CHEK1: variants seen among roughly 807,000 people sequenced by gnomAD.
The protein encoded by CHEK1 is checkpoint kinase 1.
A neutral mutation model predicts 60.2 loss-of-function variants in CHEK1; 32 were observed. The ratio of observed to expected loss-of-function variants is 0.53; its 90% CI spans 0.40 to 0.71. CHEK1 has a LOEUF of 0.71. Ranked by LOEUF, CHEK1 falls within the 30% of genes least tolerant of loss-of-function variation. The pLI is 0.00. For synonymous variants in CHEK1, 179 were observed against 187.2 expected (o/e 0.96, Z 0.36); for missense variants, 399 against 564.6 (o/e 0.71, Z 2.97).
intron 3 of CHEK1, 110 bp from the exon 4 acceptor site, chr11:125,629,122 C>A: frequency 9.9e-7 from 1 of 1,010,342 alleles, no homozygotes; most frequent in Admixed American, 2.0e-5. Context: ...TTGGCATTTG[C>A]TTCTGTTTGC....
intron 13 of CHEK1, among the ~76,000 whole-genome samples, chr11:125,665,381 G>A (rs753119152): frequency 2.0e-5 from 3 of 152,026 alleles, no homozygotes; most frequent in Non-Finnish European, 4.4e-5. Context: ...ATTCTGTTTT[G>A]TAGTATTTTG....
intron 13 of CHEK1, among the ~76,000 whole-genome samples, chr11:125,668,004 G>A (rs1429203581): frequency 6.6e-6 from 1 of 152,146 alleles, no homozygotes; most frequent in Non-Finnish European, 1.5e-5. Flanking sequence ...CCATCATTAA[G>A]TCTCAGTTGC....
At position 125,626,687 on chromosome 11, in the gene CHEK1, G is replaced by T. The variant is rs1300072345; in HGVS notation, c.-20-62G>T. ...GTGGGCAATCCTGGGGAGAGGCGGG[G>T]CTCAGTGGCTTCACTGGTGATCTTA... On this transcript the variant is annotated intron_variant, in intron 1 of 12. Transcript: ENST00000438015. 3.4e-6 allele frequency: 5 copies of T among 1,468,912 alleles called. No individual in the cohort carries two copies. In the South Asian group the frequency reaches 3.4e-5, roughly 10 times the overall value. The allele number at this position is 1,468,912 out of a possible 1,614,324, so 91.0% of individuals were successfully genotyped here.
chr11:125,633,277 A>G lies in CHEK1; in HGVS notation c.539A>G (p.Lys180Arg). ...CCATATGTTGCTCCAGAACTTCTGAAGAGAAGAGAATTTCATGCAGAACCA... is the reference window on the plus strand; with the variant it reads ...CCATATGTTGCTCCAGAACTTCTGAGGAGAAGAGAATTTCATGCAGAACCA... Reference protein sequence around the residue: ...TLPYVAPELLKRREFHAEPVD... With the variant: ...TLPYVAPELLRRREFHAEPVD... Residue 180 changes from lysine (K) to arginine (R), a missense_variant, in exon 6 of 13, where the codon AAG (lysine) becomes AGG (arginine). Lys to Arg is a conservative substitution (Grantham distance 26). Transcript: ENST00000438015. 3.7e-6 allele frequency: 6 copies of G among 1,607,510 alleles called. No homozygotes were observed. Among genetic ancestry groups the G allele is most frequent in the Non-Finnish European group, 5.1e-6 (6 of 1,178,206 alleles).
chr11:125,649,409 A>G (rs1941624368), intron 11 of CHEK1, among the ~76,000 whole-genome samples: 1 of 150,886 alleles, frequency 6.6e-6, no homozygotes, highest in Non-Finnish European at 1.5e-5. Flanking sequence ...TTTTCCTTTT[A>G]ACCTATTTGT....
Position 125,648,530 on chromosome 11 carries a change from C to T in CHEK1, c.1233+3887C>T, listed in dbSNP as rs1339158899. ...CTGGGAGGCGGAGGTTGCAGTGAGC[C>T]GAGATGACGCCACTGCACTCCAGCC... On this transcript the variant is annotated intron_variant, in intron 11 of 12. Coordinates refer to ENST00000438015, the MANE Select transcript of CHEK1 (RefSeq NM_001114122.3). 8.6e-5 allele frequency among the ~76,000 whole-genome samples: 13 copies of T among 150,562 alleles called. 1 individual carries two copies. The South Asian group carries it at 2.5e-3, about 29-fold the overall frequency.
chr11:125,654,555 A>G (rs1941844754), intron 12 of CHEK1, among the ~76,000 whole-genome samples: 1 of 152,156 alleles, frequency 6.6e-6, no homozygotes, highest in Non-Finnish European at 1.5e-5. Flanking sequence ...TTTTATGCAT[A>G]GATTTTTTTG....
rs1191004393 is a variant in CHEK1, at chr11:125,626,022, G to A, written c.-21+10G>A. 1.4e-6 allele frequency: 1 copy of A among 696,530 alleles called. No homozygotes were observed. The highest frequency in any genetic ancestry group is 2.0e-5 in the Admixed American group (1 of 49,914). 43.1% of individuals were successfully genotyped at this position (696,530 alleles called of 1,614,324 possible). On this transcript the variant is annotated intron_variant, in intron 1 of 12. Transcript: ENST00000438015. ...GGCAAAGGACAGTCCGGTGAGGAAG[G>A]GCGGCCGGTAGAGTAGGGAAGGTTT...
Position 125,629,307 on chromosome 11 carries a change from T to C in CHEK1, c.354+11T>C. Reference sequence around the variant, plus strand: ...CTCATGGCAGGGGTGGTAGGTATAGTTGTCTATTTCCCTTTTACTTAAAAT... The same window carrying C: ...CTCATGGCAGGGGTGGTAGGTATAGCTGTCTATTTCCCTTTTACTTAAAAT... On this transcript the variant is annotated intron_variant, in intron 4 of 12. Transcript: ENST00000438015. 1 of 1,614,052 alleles carries C rather than the reference T, an allele frequency of 6.2e-7. No homozygotes were observed. Among genetic ancestry groups the C allele is most frequent in the South Asian group, 1.1e-5 (1 of 91,070 alleles).
rs145669398 is a variant in CHEK1, at chr11:125,649,587, C to T, written c.1234-4159C>T. 3.7e-3 allele frequency among the ~76,000 whole-genome samples: 568 copies of T among 151,888 alleles called. 2 individuals carry two copies. The highest frequency in any genetic ancestry group is 0.013 in the African/African-American group (540 of 41,430). ...AAAAATATTTTAAAAATTAGTTGGG[C>T]GTTGTGGTGTGCACCTGTAATGCCA... On this transcript the variant is annotated intron_variant, in intron 11 of 12. Coordinates refer to ENST00000438015, the MANE Select transcript of CHEK1 (RefSeq NM_001114122.3).
chr11:125,676,482 A>G, downstream of CHEK1: 2 of 1,614,162 alleles, frequency 1.2e-6, no homozygotes, highest in Non-Finnish European at 8.5e-7. Flanking sequence ...ATTGTGCCTG[A>G]AAATTTAAGA....
rs1219057422 is a variant in CHEK1, at chr11:125,675,927, G to A, written c.*28-1G>A. On this transcript the variant is annotated splice_acceptor_variant, in intron 13 of 13. Coordinates refer to the CHEK1 transcript ENST00000428830. LOFTEE classifies it low-confidence loss of function (3UTR_SPLICE). ...TTTCTTTCTTTCTTTATTTTTTTTA[G>A]ATGGAGTTTCACTCTTGTCTCCCAG... 6.4e-6 allele frequency: 1 copy of A among 155,150 alleles called. No individual in the cohort carries two copies. The highest frequency in any genetic ancestry group is 1.9e-4 in the East Asian group (1 of 5,318). The allele number at this position is 155,150 out of a possible 1,614,324, so 9.6% of individuals were successfully genotyped here.
intron 11 of CHEK1, chr11:125,649,871 G>C (rs1941643616): frequency 1.3e-5 from 2 of 152,044 alleles, no homozygotes; most frequent in South Asian, 4.1e-4. Context: ...ATTAGCTTTT[G>C]TCTTTCAGCA....
intron 7 of CHEK1, 55 bp downstream of exon 7, chr11:125,635,588 T>C: frequency 8.6e-7 from 1 of 1,164,054 alleles, no homozygotes. Flanking sequence ...TGAAGTCTTG[T>C]GCTATTTGAA....
intron 7 of CHEK1, chr11:125,635,947 A>G (rs1941057458): frequency 6.5e-6 from 1 of 153,898 alleles, no homozygotes; most frequent in Admixed American, 6.5e-5. Flanking sequence ...AGCTTACTAT[A>G]AATCTAGGCT....
Position 125,653,805 on chromosome 11 carries a change from A to G in CHEK1, c.1293A>G (p.Leu431=). 2 of 1,594,404 alleles carry G rather than the reference A, an allele frequency of 1.3e-6. No individual in the cohort carries two copies. The highest frequency in any genetic ancestry group is 1.7e-6 in the Non-Finnish European group (2 of 1,166,876). The change falls in exon 12 of 13, where the codon TTA becomes TTG. Residue 431 remains leucine, a synonymous_variant. Transcript: ENST00000438015. The surrounding 1 kb of genome is among the most constrained non-coding windows in gnomAD (Gnocchi z 4.3). ...NNKLIFKVNL[L]EMDDKILVDF... ...AACTCATTTTCAAAGTGAATTTGTT[A>G]GAAATGGATGATAAAATATTGGTTG...
chr11:125,637,313 TA>T (rs1941106969), intron 7 of CHEK1, 135 bp from the exon 8 acceptor site: 7 of 550,380 alleles, frequency 1.3e-5, no homozygotes, highest in Non-Finnish European at 2.1e-5. Context: ...AGTAATTTAG[TA>T]GCTTTAATTC....
At chr11:125,669,608 C>T (rs1386913876) in intron 13 of CHEK1, among the ~76,000 whole-genome samples, 2 of 149,720 alleles carry the variant, frequency 1.3e-5, no homozygotes, top group African/African-American at 2.5e-5. Flanking sequence ...ACTGCAACCT[C>T]CGCCTCCCGG....
chr11:125,657,375 A>G (rs1941935992), downstream of CHEK1, among the ~76,000 whole-genome samples: 2 of 152,146 alleles, frequency 1.3e-5, no homozygotes, highest in African/African-American at 4.8e-5. Flanking sequence ...TGTAAAGTTA[A>G]CATTCACTTA....
Sources: gnomAD v4.1 joint callset for allele counts (sites outside exome capture counted in the v4.1 genomes callset) on GRCh38, gnomAD v4.1.1 for gene constraint, Gnocchi (gnomAD v3.1) non-coding constraint, MANE v1.5 for transcripts, NCBI Gene and HGNC (gene_info 2026-07-23, HGNC 2026-07-21) for gene names.